LIPA: variants seen among roughly 807,000 people sequenced by gnomAD.
LIPA encodes the protein lipase A, lysosomal acid type.
Under a neutral mutation model 40.6 loss-of-function variants are expected in LIPA, and 26 were observed. The ratio of observed to expected loss-of-function variants is 0.64; its 90% CI spans 0.47 to 0.89. The LOEUF (loss-of-function observed/expected upper bound fraction) is 0.89. LIPA is among the 40% of genes least tolerant of loss of function. LIPA has a pLI of 0.00. For synonymous variants in LIPA, 188 were observed against 168.4 expected, an observed-to-expected ratio of 1.12 and a Z score of -0.90; for missense variants, 455 against 479.6, an observed-to-expected ratio of 0.95 and a Z score of 0.48.
intron 2 of LIPA, among the ~76,000 whole-genome samples, chr10:89,386,946 A>AGTGTGTGTGTGTGT (rs756939371): frequency 2.5e-4 from 31 of 125,998 alleles, no homozygotes; most frequent in African/African-American, 8.8e-4. Flanking sequence ...TGGGTATATG[A>AGTGTGTGTGTGTGT]GTGTGTGTGT....
intron 1 of LIPA, among the ~76,000 whole-genome samples, chr10:89,324,772 G>A (rs144838395): frequency 3.7e-4 from 57 of 152,146 alleles, no homozygotes; most frequent in Non-Finnish European, 6.9e-4. Flanking sequence ...GAAAAAATAT[G>A]TGGTGTTTGG....
intron 2 of LIPA, chr10:89,383,393 T>C (rs932106007): frequency 3.7e-6 from 6 of 1,614,106 alleles, no homozygotes; most frequent in African/African-American, 1.3e-5. Flanking sequence ...AAGTTGTTAA[T>C]TGAAGCCCCT....
chr10:89,375,155 C>A (rs1564802349), intron 2 of LIPA, among the ~76,000 whole-genome samples: 1 of 152,250 alleles, frequency 6.6e-6, no homozygotes, highest in Non-Finnish European at 1.5e-5. Flanking sequence ...CAATATCCCA[C>A]TTCATCTCAA....
chr10:89,341,661 T>G (rs1442806637), intron 1 of LIPA, among the ~76,000 whole-genome samples: 1 of 152,166 alleles, frequency 6.6e-6, no homozygotes, highest in African/African-American at 2.4e-5. Context: ...GAAACTTGCT[T>G]GTAGGTTCAT....
rs11453669 is a variant in LIPA at position 89,268,985 on chromosome 10, C to CAA, written c.-1-21338_-1-21337dup. 1.3e-3 allele frequency among the ~76,000 whole-genome samples: 185 copies of CAA among 139,990 alleles called. 3 individuals are homozygous for CAA. The highest frequency in any genetic ancestry group is 7.4e-3 in the Middle Eastern group (2 of 272). The allele number at this position is 139,990 out of a possible 152,430, so 91.8% of individuals were successfully genotyped here. ...TGGGCGACAGAGACAGACTCTGTCT[C>CAA]AAAAAAAAAAAAGTATAAAAATACT... On this transcript the variant is annotated intron_variant, in intron 1 of 5. Transcript: ENST00000282673.
chr10:89,404,232 T>A (rs1844493071), intron 2 of LIPA: 1 of 152,572 alleles, frequency 6.6e-6, no homozygotes, highest in African/African-American at 2.4e-5. Context: ...ACTCCTTGGC[T>A]GACTTCACCT....
intron 2 of LIPA, among the ~76,000 whole-genome samples, chr10:89,359,036 C>A (rs999367766): frequency 4.6e-5 from 7 of 152,156 alleles, no homozygotes; most frequent in African/African-American, 1.7e-4. Flanking sequence ...GTGAATGGAG[C>A]AAAGGAGGAT....
intron 1 of LIPA, among the ~76,000 whole-genome samples, chr10:89,262,579 C>T (rs909466599): frequency 1.3e-5 from 2 of 152,144 alleles, no homozygotes; most frequent in African/African-American, 4.8e-5. Context: ...CAGAGTATCC[C>T]AGCCTTTTTA....
chr10:89,288,875 T>C (rs1216235210), intron 1 of LIPA, among the ~76,000 whole-genome samples: 2 of 152,230 alleles, frequency 1.3e-5, no homozygotes, highest in Non-Finnish European at 2.9e-5. Flanking sequence ...ACCATGCTGT[T>C]ACATGGGCAA....
Position 89,296,632 on chromosome 10 carries a change from G to A in LIPA, c.-2+45979C>T, listed in dbSNP as rs1346086935. ...TAATCAAAGGGTGGAGACTTTTTAG[G>A]AAGGATAGTTTCTTTTTCCTCCCTG... is the stretch of plus-strand genomic sequence containing the variant. On this transcript the variant is annotated intron_variant, in intron 1 of 5. Transcript: ENST00000282673. Among the ~76,000 whole-genome samples, 5 of 152,186 alleles carry A rather than the reference G, an allele frequency of 3.3e-5. No homozygotes were observed. The East Asian group carries it at 9.6e-4, about 29-fold the overall frequency.
upstream of LIPA, among the ~76,000 whole-genome samples, chr10:89,252,515 AAAC>A (rs949070013): frequency 7.2e-5 from 11 of 152,138 alleles, no homozygotes; most frequent in South Asian, 2.1e-4. Context: ...CAACAACAAC[AAAC>A]AACAAGGGGC....
At chr10:89,400,308 CA>C (rs1215344043) in intron 2 of LIPA, among the ~76,000 whole-genome samples, 2 of 152,066 alleles carry the variant, frequency 1.3e-5, no homozygotes, top group Non-Finnish European at 2.9e-5. Context: ...TCTATTTCTG[CA>C]AAAAATGTCA....
At chr10:89,315,524 C>T (rs1373664622) in intron 1 of LIPA, among the ~76,000 whole-genome samples, 1 of 151,940 alleles carries the variant, frequency 6.6e-6, no homozygotes, top group African/African-American at 2.4e-5. Context: ...GTCATGACAA[C>T]TATACTCCCT....
intron 8 of LIPA, among the ~76,000 whole-genome samples, chr10:89,220,147 G>C (rs35942232): frequency 7.2e-5 from 11 of 152,176 alleles, no homozygotes; most frequent in Non-Finnish European, 1.5e-4. Context: ...AGTTGGCCTA[G>C]GACAGCCTTG....
At chr10:89,281,806 G>A (rs1346427526) in intron 1 of LIPA, among the ~76,000 whole-genome samples, 2 of 152,216 alleles carry the variant, frequency 1.3e-5, no homozygotes, top group African/African-American at 4.8e-5. Context: ...TTGGCAATAA[G>A]CCACACTATT....
At chr10:89,318,456 G>C (rs986215156) in intron 1 of LIPA, among the ~76,000 whole-genome samples, 1 of 152,146 alleles carries the variant, frequency 6.6e-6, no homozygotes, top group African/African-American at 2.4e-5. Flanking sequence ...AAGATCAAAA[G>C]AGACAAAGAA....
intron 8 of LIPA, among the ~76,000 whole-genome samples, chr10:89,218,079 T>C (rs1842650258): frequency 6.6e-6 from 1 of 152,158 alleles, no homozygotes; most frequent in African/African-American, 2.4e-5. Flanking sequence ...ACAGAGTATA[T>C]GTAGATAATG....
chr10:89,403,402 C>G, intron 2 of LIPA: 1 of 1,613,650 alleles, frequency 6.2e-7, no homozygotes, highest in Non-Finnish European at 8.5e-7. Context: ...GTAGAAGAAA[C>G]AATGCAAGAC....
Position 89,306,863 on chromosome 10 carries a change from G to A in LIPA, c.-2+35748C>T, listed in dbSNP as rs1158402785. The A allele has an allele frequency of 3.7e-6, 6 of 1,613,978 alleles. No homozygotes were observed. In the African/African-American group the frequency reaches 5.3e-5, roughly 14 times the overall value. ...AGTCTTCCAAGTAATGAATCTAAGA[G>A]AGAATGGAATGTATGGGAAAAGAAA... On this transcript the variant is annotated intron_variant, in intron 1 of 5. Transcript: ENST00000282673.
Sources: allele counts gnomAD v4.1 joint callset (sites outside exome capture counted in the v4.1 genomes callset), GRCh38; gene constraint gnomAD v4.1.1; transcripts MANE v1.5; gene names NCBI Gene and HGNC (gene_info 2026-07-23, HGNC 2026-07-21).